The following CDH23 variants were observed in gnomAD, a reference collection of about 807,000 sequenced individuals.
CDH23 encodes cadherin related 23.
Under a neutral mutation model 317.1 loss-of-function variants are expected in CDH23, and 189 were observed. The observed-to-expected ratio is 0.60, with a 90% CI of 0.53 to 0.67. The LOEUF is 0.67. Among genes scored for constraint, CDH23 ranks in the 30% least tolerant of loss-of-function variants. The pLI is 0.00. For missense variants in CDH23, 4,401 were observed against 4,592.4 expected, an observed-to-expected ratio of 0.96 and a Z score of 1.20; for synonymous variants, 1,839 against 1,876.8, an observed-to-expected ratio of 0.98 and a Z score of 0.52.
intron 6 of CDH23, among the ~76,000 whole-genome samples, chr10:71,529,925 ACT>A (rs1354694328): frequency 1.3e-5 from 2 of 151,694 alleles, no homozygotes; most frequent in Admixed American, 6.6e-5. Context: ...AAGGAAAGAG[ACT>A]CTGACCCACC....
At chr10:71,558,137 A>T (rs2132333760) in intron 6 of CDH23, among the ~76,000 whole-genome samples, 1 of 152,174 alleles carries the variant, frequency 6.6e-6, no homozygotes, top group Admixed American at 6.5e-5. Context: ...AGCTGGGATT[A>T]TGGGCACCCA....
chr10:71,607,234 CCA>C (rs1860584803), intron 9 of CDH23, among the ~76,000 whole-genome samples: 1 of 152,174 alleles, frequency 6.6e-6, no homozygotes. Flanking sequence ...CTTAGGCTGC[CCA>C]CACACAGCTG....
At chr10:71,799,308 C>T (rs753265434) in intron 51 of CDH23, 28 bp downstream of exon 51, 4 of 1,613,922 alleles carry the variant, frequency 2.5e-6, no homozygotes, top group Non-Finnish European at 3.4e-6. Context: ...AGGCTGGGTC[C>T]AGGACCTGCG....
intron 28 of CDH23, chr10:71,713,241 CAAG>C: frequency 1.3e-6 from 1 of 779,334 alleles, no homozygotes; most frequent in South Asian, 1.3e-5. Context: ...TAAACAGGCA[CAAG>C]AAGAAAGGGC....
At chr10:71,773,309 G>T in intron 38 of CDH23, 1 of 1,549,386 alleles carries the variant, frequency 6.5e-7, no homozygotes, top group Middle Eastern at 1.7e-4. Context: ...ACTCCAGTCT[G>T]CTGTCTTCTC....
intron 6 of CDH23, among the ~76,000 whole-genome samples, chr10:71,532,744 T>G (rs1193955227): frequency 6.9e-4 from 99 of 143,436 alleles, no homozygotes; most frequent in Admixed American, 1.8e-3. Flanking sequence ...TTTTTTTTTT[T>G]TTTGAGACGG....
At chr10:71,456,328 C>A (rs770694233) in intron 3 of CDH23, among the ~76,000 whole-genome samples, 16 of 151,702 alleles carry the variant, frequency 1.1e-4, no homozygotes, top group Non-Finnish European at 2.1e-4. Context: ...ACTGACAGAA[C>A]CCCCAGGAGG....
chr10:71,752,124 G>A (rs896928085), intron 38 of CDH23: 8 of 630,816 alleles, frequency 1.3e-5, no homozygotes, highest in African/African-American at 3.6e-5. Flanking sequence ...CATCAACCCC[G>A]GGCACAGCCA....
intron 3 of CDH23, among the ~76,000 whole-genome samples, chr10:71,504,579 G>C (rs781568946): frequency 6.6e-6 from 1 of 152,192 alleles, no homozygotes; most frequent in Admixed American, 6.5e-5. Context: ...GTTAGACTGG[G>C]CATGGTTTGG....
chr10:71,688,405 G>A (rs1466978014), intron 19 of CDH23, among the ~76,000 whole-genome samples: 1 of 152,274 alleles, frequency 6.6e-6, no homozygotes, highest in African/African-American at 2.4e-5. Context: ...AGTGGAGTCA[G>A]GGACATTGGA....
chr10:71,576,577 G>A (rs746954869), intron 8 of CDH23, among the ~76,000 whole-genome samples: 1 of 152,136 alleles, frequency 6.6e-6, no homozygotes, highest in Non-Finnish European at 1.5e-5. Flanking sequence ...GGACACAAGA[G>A]CCCTTCATTA....
At position 71,807,614 on chromosome 10, in the gene CDH23, G is replaced by T. The variant is rs369697366; in HGVS notation, c.8407G>T (p.Val2803Phe). ...GCGAGAAGCCATCTTCTCCTTCATC[G>T]TCAAGGCCTCCAGCAATCGCAGCTG... ...REREAIFSFI[V>F]KASSNRSWTP... Residue 2803 changes from valine (V) to phenylalanine (F), a missense_variant, in exon 59 of 70, where the codon GTC (valine) becomes TTC (phenylalanine). Around this residue, in one of 3 missense-constraint regions of CDH23, gnomAD observed 1,144 missense variants for 1,138.2 expected, o/e 1.01. Coordinates refer to ENST00000224721, the MANE Select transcript of CDH23 (RefSeq NM_022124.6). The T allele has an allele frequency of 6.2e-7, 1 of 1,613,950 alleles. No individual in the cohort carries two copies. Among genetic ancestry groups the T allele is most frequent in the Non-Finnish European group, 8.5e-7 (1 of 1,179,876 alleles).
At chr10:71,600,159 C>T (rs1361954021) in intron 9 of CDH23, among the ~76,000 whole-genome samples, 3 of 151,956 alleles carry the variant, frequency 2.0e-5, no homozygotes, top group Non-Finnish European at 4.4e-5. Context: ...TGTGCTACTA[C>T]ACCCGGCTAA....
At chr10:71,543,873 G>A (rs989533762) in intron 6 of CDH23, among the ~76,000 whole-genome samples, 1 of 152,180 alleles carries the variant, frequency 6.6e-6, no homozygotes, top group African/African-American at 2.4e-5. Flanking sequence ...GTACTGTAGA[G>A]CAGAATGAAG....
chr10:71,477,209 C>G (rs1015718920), intron 3 of CDH23, among the ~76,000 whole-genome samples: 1 of 152,178 alleles, frequency 6.6e-6, no homozygotes, highest in Non-Finnish European at 1.5e-5. Flanking sequence ...TGCTCTATCA[C>G]CCAGGCTGGA....
chr10:71,424,377 G>A (rs571923744), intron 1 of CDH23, among the ~76,000 whole-genome samples: 5 of 152,342 alleles, frequency 3.3e-5, no homozygotes, highest in African/African-American at 9.6e-5. Context: ...ATATTAACAC[G>A]CGTAAAAACA....
intron 38 of CDH23, chr10:71,762,030 C>T: frequency 6.3e-7 from 1 of 1,589,054 alleles, no homozygotes; most frequent in Non-Finnish European, 8.6e-7. Context: ...ACCGGACCTG[C>T]TCAGAGAGAG....
intron 9 of CDH23, among the ~76,000 whole-genome samples, chr10:71,600,213 G>C (rs1195835829): frequency 6.6e-6 from 1 of 151,978 alleles, no homozygotes; most frequent in East Asian, 1.9e-4. Context: ...TGTTGGCCAG[G>C]CTGGTCTCAA....
At chr10:71,542,896 T>G (rs2132292057) in intron 6 of CDH23, among the ~76,000 whole-genome samples, 1 of 152,338 alleles carries the variant, frequency 6.6e-6, no homozygotes, top group South Asian at 2.1e-4. Context: ...GGTGGCAGCG[T>G]GCAGGGGGCT....
Sources: gnomAD v4.1 joint callset for allele counts (sites outside exome capture counted in the v4.1 genomes callset) on GRCh38, gnomAD v4.1.1 for gene constraint, gnomAD v4.1.1 regional missense constraint, MANE v1.5 for transcripts, NCBI Gene and HGNC (gene_info 2026-07-23, HGNC 2026-07-21) for gene names.